LINGO2: variants seen among roughly 807,000 people sequenced by gnomAD.
LINGO2 encodes the protein leucine rich repeat and Ig domain containing 2.
A neutral mutation model predicts 30.6 loss-of-function variants in LINGO2; 14 were observed. That is an observed-to-expected ratio of 0.46 (90% CI 0.30 to 0.72). The LOEUF (loss-of-function observed/expected upper bound fraction) is 0.72. LINGO2 is among the 30% of genes least tolerant of loss of function. LINGO2 has a pLI of 0.07. For missense variants in LINGO2, 729 were observed against 751.7 expected (o/e 0.97, Z 0.35); for synonymous variants, 317 against 288.5 (o/e 1.10, Z -1.00).
chr9:28,636,259 T>C (rs1285151162), intron 1 of LINGO2, among the ~76,000 whole-genome samples: 2 of 152,222 alleles, frequency 1.3e-5, no homozygotes, highest in Non-Finnish European at 2.9e-5. Context: ...GTCTTTGCTA[T>C]TGTGAATAGT....
intron 1 of LINGO2, among the ~76,000 whole-genome samples, chr9:28,530,902 G>A (rs182610276): frequency 2.7e-4 from 41 of 151,512 alleles, no homozygotes; most frequent in African/African-American, 8.9e-4. Context: ...GTCTCATACC[G>A]TTCTTCACAA....
the LINGO2 span, among the ~76,000 whole-genome samples, chr9:29,051,759 G>C: frequency 6.6e-6 from 1 of 152,026 alleles, no homozygotes; most frequent in East Asian, 1.9e-4. Context: ...AAAATATTTT[G>C]GGGATTTTGG....
chr9:28,944,787 TACAA>T, the LINGO2 span, among the ~76,000 whole-genome samples: 34 of 152,034 alleles, frequency 2.2e-4, no homozygotes, highest in Admixed American at 1.1e-3. Context: ...AAAGATGACA[TACAA>T]ACAGTCAAAA....
the LINGO2 span, among the ~76,000 whole-genome samples, chr9:28,845,740 AATAG>A: frequency 4.6e-5 from 7 of 151,788 alleles, no homozygotes; most frequent in Non-Finnish European, 7.4e-5. Context: ...AGAAATAATA[AATAG>A]ATAATTTCTC....
chr9:28,519,502 A>G (rs1434504090), intron 1 of LINGO2, among the ~76,000 whole-genome samples: 1 of 152,236 alleles, frequency 6.6e-6, no homozygotes, highest in Admixed American at 6.5e-5. Context: ...TATATAGAAC[A>G]TTTTGTACTC....
At chr9:28,729,773 A>C in the LINGO2 span, among the ~76,000 whole-genome samples, 2 of 152,058 alleles carry the variant, frequency 1.3e-5, no homozygotes, top group Admixed American at 6.5e-5. Flanking sequence ...AAAAGAAAGA[A>C]TAAATAGAAT....
At chr9:28,313,009 A>C (rs1824692032) in intron 3 of LINGO2, among the ~76,000 whole-genome samples, 1 of 152,228 alleles carries the variant, frequency 6.6e-6, no homozygotes, top group South Asian at 2.1e-4. Context: ...ACTTTCATAC[A>C]AAGATTAATA....
chr9:29,106,396 G>A, the LINGO2 span, among the ~76,000 whole-genome samples: 5 of 152,066 alleles, frequency 3.3e-5, no homozygotes, highest in African/African-American at 1.2e-4. Flanking sequence ...GAGAAAAATG[G>A]AATCTATGAG....
chr9:28,692,830 G>A, the LINGO2 span, among the ~76,000 whole-genome samples: 2 of 151,808 alleles, frequency 1.3e-5, no homozygotes, highest in African/African-American at 4.8e-5. Context: ...TAGAACAGTG[G>A]GTGTCAATAT....
chr9:28,407,381 T>C (rs1331909), intron 2 of LINGO2, among the ~76,000 whole-genome samples: 140,032 of 152,168 alleles, frequency 0.92, 64,567 homozygotes, highest in East Asian at 1. Context: ...AGGCTAGCCA[T>C]AAATGTGTAA....
the LINGO2 span, among the ~76,000 whole-genome samples, chr9:28,744,640 A>T: frequency 0.63 from 71,460 of 113,238 alleles, 22,708 homozygotes; most frequent in Non-Finnish European, 0.73. Context: ...GTGTGTGTGT[A>T]TTTTTTTTTT....
At chr9:28,458,958 A>G (rs568358600) in intron 2 of LINGO2, among the ~76,000 whole-genome samples, 12 of 133,810 alleles carry the variant, frequency 9.0e-5, no homozygotes, top group African/African-American at 3.4e-4. Context: ...TGTTAAAGGT[A>G]TATAGAGCCC....
At chr9:29,086,750 A>G in the LINGO2 span, among the ~76,000 whole-genome samples, 1 of 152,206 alleles carries the variant, frequency 6.6e-6, no homozygotes, top group Non-Finnish European at 1.5e-5. Flanking sequence ...TGAGTTCATC[A>G]TTTGAGCTAC....
At chr9:28,416,110 A>C (rs866920252) in intron 2 of LINGO2, among the ~76,000 whole-genome samples, 7 of 152,262 alleles carry the variant, frequency 4.6e-5, no homozygotes, top group East Asian at 1.9e-4. Flanking sequence ...TCTTAGGCAA[A>C]ATTGCTCATT....
At chr9:29,153,364 T>C in the LINGO2 span, among the ~76,000 whole-genome samples, 2 of 152,192 alleles carry the variant, frequency 1.3e-5, no homozygotes, top group African/African-American at 4.8e-5. Flanking sequence ...CTCATTCCAA[T>C]GAATTTCTTC....
chr9:28,777,949 A>C, the LINGO2 span, among the ~76,000 whole-genome samples: 2 of 152,130 alleles, frequency 1.3e-5, no homozygotes, highest in African/African-American at 4.8e-5. Flanking sequence ...TTCTTGCTAC[A>C]TTAGAGAGCA....
intron 2 of LINGO2, among the ~76,000 whole-genome samples, chr9:28,468,704 T>G (rs1825406216): frequency 1.3e-5 from 2 of 152,164 alleles, no homozygotes; most frequent in South Asian, 4.1e-4. Flanking sequence ...ATCACAGTTC[T>G]ACAGTATTTA....
At chr9:28,805,927 C>A in the LINGO2 span, among the ~76,000 whole-genome samples, 1 of 151,976 alleles carries the variant, frequency 6.6e-6, no homozygotes, top group Non-Finnish European at 1.5e-5. Context: ...TTCTATTTTT[C>A]TCAAGTGAGC....
At chr9:28,639,631 T>G (rs1487169656) in intron 1 of LINGO2, among the ~76,000 whole-genome samples, 1 of 152,146 alleles carries the variant, frequency 6.6e-6, no homozygotes, top group Non-Finnish European at 1.5e-5. Context: ...TATCAGAGAC[T>G]AGGATTGCAA....
Sources: allele counts gnomAD v4.1 joint callset (sites outside exome capture counted in the v4.1 genomes callset), GRCh38; gene constraint gnomAD v4.1.1; transcripts MANE v1.5; gene names NCBI Gene and HGNC (gene_info 2026-07-23, HGNC 2026-07-21).